Variants in JAKMIP3 observed in about 807,000 individuals in gnomAD.
JAKMIP3 encodes janus kinase and microtubule-interacting protein 3.
JAKMIP3 carries 58 observed loss-of-function variants against 118.5 expected under a neutral mutation model. The observed-to-expected ratio is 0.49, with a 90% confidence interval of 0.40 to 0.61. The LOEUF is 0.61. Ranked by LOEUF, JAKMIP3 falls within the 20% of genes least tolerant of loss-of-function variation. The probability of loss-of-function intolerance (pLI) is 0.00; values close to 1 mark genes in which losing one functional copy is unlikely to be tolerated. For missense variants in JAKMIP3, 950 were observed against 1,109.0 expected (o/e 0.86, Z 2.04); for synonymous variants, 486 against 451.2 (o/e 1.08, Z -0.98).
intron 1 of JAKMIP3, among the ~76,000 whole-genome samples, chr10:132,080,815 C>A (rs958952704): frequency 6.6e-6 from 1 of 152,052 alleles, no homozygotes; most frequent in African/African-American, 2.4e-5. Context: ...CCACCATGCC[C>A]GGCCAAGTTA....
chr10:132,153,717 G>A, intron 17 of JAKMIP3, 42 bp from the exon 18 acceptor site: 1 of 1,600,364 alleles, frequency 6.2e-7, no homozygotes, highest in Non-Finnish European at 8.6e-7. Context: ...CGGGGTGGGG[G>A]ACCCTAGGGG....
intron 9 of JAKMIP3, among the ~76,000 whole-genome samples, chr10:132,139,503 TATGTGTGA>T (rs2053003937): frequency 7.7e-6 from 1 of 129,548 alleles, no homozygotes; most frequent in Admixed American, 7.5e-5. Context: ...TGTGAGTGTG[TATGTGTGA>T]GTGTGAGTGT....
intron 21 of JAKMIP3, among the ~76,000 whole-genome samples, chr10:132,165,809 C>T (rs2058839452): frequency 6.6e-6 from 1 of 152,230 alleles, no homozygotes; most frequent in African/African-American, 2.4e-5. Flanking sequence ...TGAGAATCAT[C>T]ATCCTGAGGA....
chr10:132,065,875 C>CGGGA (rs1460780046), upstream of JAKMIP3, among the ~76,000 whole-genome samples: 1 of 152,166 alleles, frequency 6.6e-6, no homozygotes, highest in Non-Finnish European at 1.5e-5. The surrounding 1 kb of genome is among the most constrained non-coding windows in gnomAD (Gnocchi z 5.6). Context: ...GGAAATGGTT[C>CGGGA]CTCCCCCTGG....
chr10:132,154,898 G>A (rs796517235), intron 19 of JAKMIP3, among the ~76,000 whole-genome samples: 13 of 73,656 alleles, frequency 1.8e-4, no homozygotes, highest in East Asian at 4.0e-4. Flanking sequence ...GGTGATGATC[G>A]TGATCATGAT....
intron 19 of JAKMIP3, 29 bp from the exon 20 acceptor site, chr10:132,163,180 G>A (rs2058537166): frequency 6.5e-7 from 1 of 1,542,018 alleles, no homozygotes; most frequent in Non-Finnish European, 8.8e-7. Context: ...GAGAAGGCAA[G>A]GACTAAGGCG....
At chr10:132,040,541 G>C (rs2037707575) in intron 1 of JAKMIP3, among the ~76,000 whole-genome samples, 2 of 151,924 alleles carry the variant, frequency 1.3e-5, no homozygotes, top group African/African-American at 4.8e-5. Flanking sequence ...ATATTCATGA[G>C]CATTTTTTTA....
intron 1 of JAKMIP3, among the ~76,000 whole-genome samples, chr10:132,051,908 A>G (rs1165818131): frequency 6.6e-6 from 1 of 152,250 alleles, no homozygotes; most frequent in African/African-American, 2.4e-5. Flanking sequence ...ACGCTTGGCC[A>G]GCAGTTATTT....
At chr10:132,092,049 A>G (rs1000775166) in intron 1 of JAKMIP3, among the ~76,000 whole-genome samples, 1 of 144,810 alleles carries the variant, frequency 6.9e-6, no homozygotes, top group Non-Finnish European at 1.5e-5. Flanking sequence ...TTGGCTGGAT[A>G]TGAAATTCTG....
In JAKMIP3 at chr10:132,180,668, TGTGTGTGCGCGCGCGTGTGTGTGCGTGC is replaced by T. The variant is rs1186924347; in HGVS notation, c.*1104-1681_*1104-1654del. 1.8e-4 allele frequency among the ~76,000 whole-genome samples: 5 copies of T among 28,050 alleles called. 2 individuals carry two copies. The highest frequency in any genetic ancestry group is 3.7e-4 in the Non-Finnish European group (5 of 13,342). The allele number at this position is 28,050 out of a possible 152,430, so 18.4% of individuals were successfully genotyped here. A position where few individuals can be genotyped will look rare whatever the true frequency, so the allele number is the denominator to read the frequency against. On this transcript the variant is annotated intron_variant, in intron 23 of 23. Coordinates refer to ENST00000684848, the MANE Select transcript of JAKMIP3 (RefSeq NM_001323087.2). ...GTGCGTGTGCGTGTGCGTGTGTGCG[TGTGTGTGCGCGCGCGTGTGTGTGCGTGC>T]GTGTGTGTGTGCGCGTGTGTGTGCG...
intron 22 of JAKMIP3, among the ~76,000 whole-genome samples, chr10:132,167,485 C>T (rs2059025226): frequency 6.6e-6 from 1 of 152,178 alleles, no homozygotes; most frequent in Non-Finnish European, 1.5e-5. Flanking sequence ...GCTGGAGATT[C>T]AGCCAGGAGG....
At chr10:132,146,884 G>A (rs2054723819) in intron 13 of JAKMIP3, among the ~76,000 whole-genome samples, 1 of 152,240 alleles carries the variant, frequency 6.6e-6, no homozygotes, top group Non-Finnish European at 1.5e-5. Context: ...GTAAATGCCG[G>A]CACAGGCAGA....
chr10:132,152,298 G>A (rs1340445213), intron 16 of JAKMIP3, among the ~76,000 whole-genome samples: 1 of 152,206 alleles, frequency 6.6e-6, no homozygotes. Flanking sequence ...CAGGGCTTTT[G>A]GAGTGAGCTG....
At chr10:132,062,608 G>A (rs1297238870), upstream of JAKMIP3, among the ~76,000 whole-genome samples, 1 of 152,244 alleles carries the variant, frequency 6.6e-6, no homozygotes, top group Non-Finnish European at 1.5e-5. Context: ...ATTGCAAAAG[G>A]ATATGTAGAG....
At chr10:132,181,237 T>C (rs2061429830) in intron 23 of JAKMIP3, 1 of 152,254 alleles carries the variant, frequency 6.6e-6, no homozygotes, top group South Asian at 2.1e-4. Context: ...TCTGGTCTTG[T>C]TCCTTTAATT....
intron 1 of JAKMIP3, among the ~76,000 whole-genome samples, chr10:132,053,914 G>A (rs2038163095): frequency 6.6e-6 from 1 of 152,062 alleles, no homozygotes; most frequent in Non-Finnish European, 1.5e-5. Flanking sequence ...GTGGGCACCT[G>A]TAGTCCCAGC....
intron 1 of JAKMIP3, among the ~76,000 whole-genome samples, chr10:132,077,285 G>A (rs1053759141): frequency 1.3e-5 from 2 of 152,178 alleles, no homozygotes; most frequent in African/African-American, 4.8e-5. Context: ...CCGAAAGAGG[G>A]TTCTGGGCAG....
At position 132,141,798 on chromosome 10, in the gene JAKMIP3, A is replaced by G. The variant is rs74161730; in HGVS notation, c.1474-122A>G. On this transcript the variant is annotated intron_variant, in intron 10 of 23. Coordinates refer to ENST00000684848, the MANE Select transcript of JAKMIP3 (RefSeq NM_001323087.2). ...GGTCCCCTCCCTCATGCTGCTAGAGAGACCCCCCCATACACCATTTGATAT... is the reference window on the plus strand; with the variant it reads ...GGTCCCCTCCCTCATGCTGCTAGAGGGACCCCCCCATACACCATTTGATAT... 8.3e-4 allele frequency: 938 copies of G among 1,131,958 alleles called. 2 individuals carry two copies. In the African/African-American group the frequency reaches 0.013, roughly 16 times the overall value. The allele number at this position is 1,131,958 out of a possible 1,614,324, so 70.1% of individuals were successfully genotyped here.
intron 23 of JAKMIP3, among the ~76,000 whole-genome samples, chr10:132,175,304 A>T (rs1231817303): frequency 2.6e-5 from 4 of 152,148 alleles, no homozygotes; most frequent in Admixed American, 6.5e-5. Flanking sequence ...TATGGATTGA[A>T]GTTTATTTTT....
Sources: gnomAD v4.1 joint callset for allele counts (sites outside exome capture counted in the v4.1 genomes callset) on GRCh38, gnomAD v4.1.1 for gene constraint, Gnocchi (gnomAD v3.1) non-coding constraint, MANE v1.5 for transcripts, NCBI Gene and HGNC (gene_info 2026-07-23, HGNC 2026-07-21) for gene names.